Variants in FBXO40 observed in about 807,000 individuals in gnomAD.
The protein encoded by FBXO40 is F-box only protein 40.
A neutral mutation model predicts 49.9 loss-of-function variants in FBXO40; 50 were observed. The ratio of observed to expected loss-of-function variants is 1.00; its 90% CI spans 0.80 to 1.27. The LOEUF (loss-of-function observed/expected upper bound fraction) is 1.27. FBXO40 is among the 50% of genes most tolerant of loss of function. The probability of loss-of-function intolerance (pLI) is 0.00; values close to 1 mark genes in which losing one functional copy is unlikely to be tolerated. For synonymous variants in FBXO40, 340 were observed against 320.2 expected (o/e 1.06, Z -0.66); for missense variants, 895 against 870.1 (o/e 1.03, Z -0.36).
intron 1 of FBXO40, among the ~76,000 whole-genome samples, chr3:121,618,010 A>C (rs1410957405): frequency 6.6e-6 from 1 of 152,174 alleles, no homozygotes; most frequent in East Asian, 1.9e-4. Flanking sequence ...AAAAAGCTAA[A>C]AGAGAAGAAT....
chr3:121,621,682 C>T lies in FBXO40; in HGVS notation c.253C>T (p.Leu85=). ...GTCCCGCCACAAACTGGCCAAGCAC[C>T]TGCAGGTGTGCCCCGCCAGCGTGGT... is the stretch of plus-strand genomic sequence containing the variant. ...SMSRHKLAKH[L]QVCPASVVCC... Residue 85 remains leucine, a synonymous_variant, in exon 3 of 4, where the codon CTG becomes TTG. Transcript: ENST00000338040. The T allele has an allele frequency of 6.2e-7, 1 of 1,614,228 alleles. No individual in the cohort carries two copies. The highest frequency in any genetic ancestry group is 8.5e-7 in the Non-Finnish European group (1 of 1,180,036).
At chr3:121,605,683 C>A (rs567950666) in intron 1 of FBXO40, among the ~76,000 whole-genome samples, 4 of 152,326 alleles carry the variant, frequency 2.6e-5, no homozygotes, top group African/African-American at 9.6e-5. Context: ...GTGCAAGAAA[C>A]TTTTCTGTGG....
intron 1 of FBXO40, among the ~76,000 whole-genome samples, chr3:121,614,043 C>G (rs1332310892): frequency 2.0e-5 from 3 of 151,952 alleles, no homozygotes; most frequent in African/African-American, 4.8e-5. Flanking sequence ...CCGAGGTGGG[C>G]AGATCACAAG....
chr3:121,626,802 C>A lies in FBXO40; in HGVS notation c.2022C>A (p.His674Gln), dbSNP rs1261008358. 3.1e-6 allele frequency: 5 copies of A among 1,614,050 alleles called. No homozygotes were observed. The highest frequency in any genetic ancestry group is 2.2e-5 in the East Asian group (1 of 44,898). The change falls in exon 4 of 4, where the codon CAC becomes CAA. Residue 674 changes from histidine to glutamine, a missense_variant. His to Gln is a conservative substitution (Grantham distance 24, BLOSUM62 0). Coordinates refer to ENST00000338040, the MANE Select transcript of FBXO40 (RefSeq NM_016298.4). ...LKSCPFNIVE[H>Q]KTDPILLTSM... ...CCTGTCCTTTCAACATTGTAGAGCA[C>A]AAAACTGACCCGATTCTTTTGACTA...
At position 121,623,045 on chromosome 3, in the gene FBXO40, A is replaced by T; in HGVS notation, c.1616A>T (p.Glu539Val). 6.2e-7 allele frequency: 1 copy of T among 1,614,210 alleles called. No homozygotes were observed. ...GQKAKVIYSQ[E>V]LKTFAIKPEV... ...AAGGCAAAAGTAATCTATAGCCAGG[A>T]GCTCAAGACCTTTGCCATTAAGCCG... Residue 539 changes from glutamate (E) to valine (V), a missense_variant, in exon 3 of 4, where the codon GAG (glutamate) becomes GTG (valine). Physicochemically the swap from Glu to Val is moderately radical, Grantham distance 121. Transcript: ENST00000338040.
At chr3:121,595,741 A>G (rs182130396) in intron 1 of FBXO40, among the ~76,000 whole-genome samples, 1 of 152,354 alleles carries the variant, frequency 6.6e-6, no homozygotes, top group East Asian at 1.9e-4. Flanking sequence ...ATCTTTATAC[A>G]TTTTCTTTCC....
chr3:121,611,875 A>G (rs745995429), intron 1 of FBXO40, among the ~76,000 whole-genome samples: 34 of 152,228 alleles, frequency 2.2e-4, no homozygotes, highest in Admixed American at 6.5e-4. Context: ...CATTTTGTTA[A>G]CAAGGCACGT....
chr3:121,600,255 A>G (rs552555954), intron 1 of FBXO40, among the ~76,000 whole-genome samples: 1 of 127,030 alleles, frequency 7.9e-6, no homozygotes, highest in African/African-American at 3.1e-5. Context: ...GCCCAGGCTG[A>G]TCTCAATCTC....
chr3:121,617,816 A>G (rs916448730), intron 1 of FBXO40, among the ~76,000 whole-genome samples: 7 of 152,152 alleles, frequency 4.6e-5, no homozygotes, highest in African/African-American at 1.4e-4. Flanking sequence ...CCTGGCCAAC[A>G]TGGTGAAACC....
intron 1 of FBXO40, among the ~76,000 whole-genome samples, chr3:121,618,981 G>A (rs2049014775): frequency 6.7e-6 from 1 of 150,120 alleles, no homozygotes; most frequent in Admixed American, 6.7e-5. Context: ...CTAAAGTAAA[G>A]TAAAATGGTT....
chr3:121,598,818 A>G (rs1277017386), intron 1 of FBXO40, among the ~76,000 whole-genome samples: 1 of 152,110 alleles, frequency 6.6e-6, no homozygotes, highest in African/African-American at 2.4e-5. Flanking sequence ...ACTGGGCCCA[A>G]TTTACACCTT....
Position 121,622,938 on chromosome 3 carries a change from C to T in FBXO40, c.1509C>T (p.Leu503=), listed in dbSNP as rs1390674175. 3 of 1,614,226 alleles carry T rather than the reference C, an allele frequency of 1.9e-6. No homozygotes were observed. Among genetic ancestry groups the T allele is most frequent in the South Asian group, 1.1e-5 (1 of 91,078 alleles). ...KNVHTDIQSC[L]NGWFQHRCPL... is the part of the protein sequence containing the mutation. ...TCCACACAGACATTCAGTCATGTCT[C>T]AATGGCTGGTTCCAGCATCGATGCC... The change falls in exon 3 of 4, where the codon CTC becomes CTT. Residue 503 remains leucine, a synonymous_variant. Coordinates refer to ENST00000338040, the MANE Select transcript of FBXO40 (RefSeq NM_016298.4).
In FBXO40 at chr3:121,620,672, T is replaced by C. The variant is rs567627416; in HGVS notation, c.3+94T>C. On this transcript the variant is annotated intron_variant, in intron 2 of 3. Coordinates refer to ENST00000338040, the MANE Select transcript of FBXO40 (RefSeq NM_016298.4). ...CCCAAGCAGCTAGCAGACTTGCTCT[T>C]ATGGTTTGATGATATTTATCAACTT... is the stretch of plus-strand genomic sequence containing the variant. 275 of 1,493,970 alleles carry C rather than the reference T, an allele frequency of 1.8e-4. 1 individual carries two copies. The South Asian group carries it at 2.9e-3, about 16-fold the overall frequency. The allele number at this position is 1,493,970 out of a possible 1,614,324, so 92.5% of individuals were successfully genotyped here.
At chr3:121,625,988 A>C (rs2049059907) in intron 3 of FBXO40, among the ~76,000 whole-genome samples, 1 of 152,192 alleles carries the variant, frequency 6.6e-6, no homozygotes, top group Admixed American at 6.5e-5. Context: ...GAACTCATAG[A>C]ATTCTCCTAT....
intron 1 of FBXO40, among the ~76,000 whole-genome samples, chr3:121,606,292 C>T (rs1227971550): frequency 2.0e-5 from 3 of 152,162 alleles, no homozygotes; most frequent in African/African-American, 4.8e-5. Context: ...TGGCTCACAA[C>T]GGTAGACTAG....
chr3:121,628,007 G>C lies in FBXO40; in HGVS notation c.*1097G>C, dbSNP rs1326698963. 3 of 398,488 alleles carry C rather than the reference G, an allele frequency of 7.5e-6. No homozygotes were observed. The South Asian group carries it at 3.8e-4, about 51-fold the overall frequency. 24.7% of individuals were successfully genotyped at this position (398,488 alleles called of 1,614,324 possible). On this transcript the variant is annotated 3_prime_UTR_variant, in exon 4 of 4. Transcript: ENST00000338040. ...CCTACCCATCCATATTTCTGGTCAT[G>C]CTTTCAGTCTGACAAAAATGGATGA... is the stretch of plus-strand genomic sequence containing the variant.
rs2049044579 is a variant in FBXO40, at chr3:121,623,274, A to G, written c.1845A>G (p.Gly615=). ...NICATLLQER[G]MVLLQWKKKR... Reference sequence around the variant, plus strand: ...GTGCCACTTTGTTACAAGAGAGAGGAATGGTCCTTTTGCAATGGAAGAAAA... The same window carrying G: ...GTGCCACTTTGTTACAAGAGAGAGGGATGGTCCTTTTGCAATGGAAGAAAA... Residue 615 remains glycine (G), a synonymous_variant, in exon 3 of 4, where the codon GGA becomes GGG. Coordinates refer to ENST00000338040, the MANE Select transcript of FBXO40 (RefSeq NM_016298.4). 6.2e-7 allele frequency: 1 copy of G among 1,614,054 alleles called. No homozygotes were observed. The highest frequency in any genetic ancestry group is 1.3e-5 in the African/African-American group (1 of 74,916).
chr3:121,598,615 T>C (rs1200376216), intron 1 of FBXO40, among the ~76,000 whole-genome samples: 3 of 152,178 alleles, frequency 2.0e-5, no homozygotes, highest in African/African-American at 7.2e-5. Flanking sequence ...GGAGTGAGAC[T>C]GATTATAAAC....
Position 121,627,736 on chromosome 3 carries a change from G to A in FBXO40, c.*826G>A. The A allele has an allele frequency of 2.5e-6, 1 of 398,030 alleles. No homozygotes were observed. Among genetic ancestry groups the A allele is most frequent in the Non-Finnish European group, 4.4e-6 (1 of 226,000 alleles). The allele number at this position is 398,030 out of a possible 1,614,324, so 24.7% of individuals were successfully genotyped here. A position where few individuals can be genotyped will look rare whatever the true frequency, so the allele number is the denominator to read the frequency against. The stretch of plus-strand genomic sequence containing the variant: ...TTCTGAAAATTATGTTCTGAGTTAG[G>A]CAGAACATAGCCATGGCCCTGGGCC... On this transcript the variant is annotated 3_prime_UTR_variant, in exon 4 of 4. Transcript: ENST00000338040.
Sources: gnomAD v4.1 joint callset for allele counts (sites outside exome capture counted in the v4.1 genomes callset) on GRCh38, gnomAD v4.1.1 for gene constraint, MANE v1.5 for transcripts, NCBI Gene and HGNC (gene_info 2026-07-23, HGNC 2026-07-21) for gene names.